Variants in RERG observed in about 807,000 individuals in gnomAD.
The protein encoded by RERG is RAS like estrogen regulated growth inhibitor, also known as ras-related and estrogen-regulated growth inhibitor.
RERG carries 25 observed loss-of-function variants against 23.2 expected under a neutral mutation model. That is an observed-to-expected ratio of 1.08 (90% confidence interval 0.79 to 1.50). The LOEUF (loss-of-function observed/expected upper bound fraction) is 1.50. Ranked by LOEUF, RERG falls within the 40% of genes most tolerant of loss-of-function variation. The pLI, the probability that RERG is intolerant of heterozygous loss-of-function variation, is 0.00. For missense variants in RERG, 253 were observed against 250.1 expected (o/e 1.01, Z -0.08); for synonymous variants, 81 against 89.1 (o/e 0.91, Z 0.51).
intron 2 of RERG, among the ~76,000 whole-genome samples, chr12:15,147,121 A>T (rs1225439523): frequency 6.6e-6 from 1 of 152,164 alleles, no homozygotes; most frequent in Non-Finnish European, 1.5e-5. Context: ...GCCTGGAGTA[A>T]AGGTTCATGC....
Position 15,217,293 on chromosome 12 carries a change from G to A in RERG, c.61+136C>T. Reference sequence around the variant, plus strand: ...ACGCAAAATAAAAGTTCTAGATGAAGAGACTTTATCTAAAAGAGTAAGAAA... The same window carrying A: ...ACGCAAAATAAAAGTTCTAGATGAAAAGACTTTATCTAAAAGAGTAAGAAA... On this transcript the variant is annotated intron_variant, in intron 2 of 4. Coordinates refer to ENST00000256953, the MANE Select transcript of RERG (RefSeq NM_032918.3). 6.0e-6 allele frequency: 4 copies of A among 666,588 alleles called. No homozygotes were observed. In the Middle Eastern group the frequency reaches 7.5e-4, roughly 125 times the overall value. 41.3% of individuals were successfully genotyped at this position (666,588 alleles called of 1,614,324 possible). A position where few individuals can be genotyped will look rare whatever the true frequency, so the allele number is the denominator to read the frequency against.
intron 2 of RERG, among the ~76,000 whole-genome samples, chr12:15,131,055 A>G (rs1381937798): frequency 2.0e-5 from 3 of 152,174 alleles, no homozygotes; most frequent in Admixed American, 6.6e-5. Context: ...AGCAGTAGAG[A>G]TATTGGAATG....
intron 2 of RERG, among the ~76,000 whole-genome samples, chr12:15,176,257 T>C (rs758103500): frequency 2.6e-5 from 4 of 152,208 alleles, no homozygotes; most frequent in African/African-American, 7.2e-5. Flanking sequence ...ATTTAGGCAA[T>C]TGCATATTGT....
intron 2 of RERG, among the ~76,000 whole-genome samples, chr12:15,121,557 G>A (rs987907538): frequency 6.6e-6 from 1 of 152,162 alleles, no homozygotes; most frequent in Non-Finnish European, 1.5e-5. Context: ...TCACTAGCAG[G>A]TCATTTGCAT....
intron 2 of RERG, among the ~76,000 whole-genome samples, chr12:15,212,305 C>T (rs369635927): frequency 6.6e-6 from 1 of 150,626 alleles, no homozygotes; most frequent in South Asian, 2.1e-4. Context: ...ATGATCCACC[C>T]GCCTCGGCCT....
intron 2 of RERG, among the ~76,000 whole-genome samples, chr12:15,159,703 A>G (rs904833201): frequency 6.6e-6 from 1 of 152,160 alleles, no homozygotes; most frequent in African/African-American, 2.4e-5. Context: ...GGGCGCCTGT[A>G]GTGCCAGCTG....
chr12:15,191,437 C>A (rs1347079762), intron 2 of RERG, among the ~76,000 whole-genome samples: 1 of 152,120 alleles, frequency 6.6e-6, no homozygotes, highest in Non-Finnish European at 1.5e-5. Context: ...ATAATCTATT[C>A]CTCATAGGGA....
At chr12:15,197,608 C>A (rs547368798) in intron 2 of RERG, among the ~76,000 whole-genome samples, 15 of 152,188 alleles carry the variant, frequency 9.9e-5, no homozygotes, top group African/African-American at 3.6e-4. Flanking sequence ...TTAAAGGCGA[C>A]AGATCAAATA....
chr12:15,197,597 A>T (rs1378397957), intron 2 of RERG, among the ~76,000 whole-genome samples: 3 of 152,204 alleles, frequency 2.0e-5, no homozygotes, highest in Non-Finnish European at 4.4e-5. Flanking sequence ...TTGGTAAGCT[A>T]TTAAAGGCGA....
intron 2 of RERG, among the ~76,000 whole-genome samples, chr12:15,159,433 A>G (rs1433165264): frequency 1.3e-5 from 2 of 152,242 alleles, no homozygotes; most frequent in Non-Finnish European, 2.9e-5. Context: ...ATTTAACTAT[A>G]TATTTTAAAC....
intron 1 of RERG, among the ~76,000 whole-genome samples, chr12:15,218,261 T>C (rs1394715781): frequency 2.6e-5 from 4 of 152,216 alleles, no homozygotes; most frequent in African/African-American, 9.7e-5. Context: ...CTATGATGAC[T>C]TCAAGTAAAT....
chr12:15,192,363 A>C (rs1865083876), intron 2 of RERG, among the ~76,000 whole-genome samples: 1 of 152,140 alleles, frequency 6.6e-6, no homozygotes, highest in Non-Finnish European at 1.5e-5. Flanking sequence ...CCTCTTTATA[A>C]ATTACCCAGT....
intron 2 of RERG, among the ~76,000 whole-genome samples, chr12:15,139,393 T>C (rs1216214333): frequency 1.3e-5 from 2 of 152,142 alleles, no homozygotes; most frequent in Non-Finnish European, 2.9e-5. Flanking sequence ...TTGGATTGAA[T>C]CTATAGGTTA....
chr12:15,137,903 CCTT>C (rs1457579933), intron 2 of RERG: 2 of 445,004 alleles, frequency 4.5e-6, no homozygotes, highest in African/African-American at 2.0e-5. Flanking sequence ...GTATCATTCT[CCTT>C]CTCTGAAGAA....
chr12:15,109,851 A>G (rs994193774), intron 4 of RERG, among the ~76,000 whole-genome samples: 3 of 152,246 alleles, frequency 2.0e-5, no homozygotes, highest in Admixed American at 6.5e-5. Flanking sequence ...GAGACTTTTC[A>G]TCACAATTAA....
chr12:15,122,105 AAT>A (rs1455901076), intron 2 of RERG, among the ~76,000 whole-genome samples: 1 of 152,156 alleles, frequency 6.6e-6, no homozygotes, highest in Non-Finnish European at 1.5e-5. Flanking sequence ...TTCCTGAAAA[AAT>A]ATACATACAC....
At chr12:15,220,076 A>G (rs929698115) in intron 1 of RERG, among the ~76,000 whole-genome samples, 1 of 152,260 alleles carries the variant, frequency 6.6e-6, no homozygotes, top group African/African-American at 2.4e-5. Flanking sequence ...GTTACATTTG[A>G]CAAGATAGAA....
intron 2 of RERG, among the ~76,000 whole-genome samples, chr12:15,190,671 C>G (rs555173866): frequency 6.5e-4 from 99 of 152,034 alleles, no homozygotes; most frequent in Admixed American, 1.3e-3. Flanking sequence ...GTTTAAGACC[C>G]TGATAATGGA....
At chr12:15,135,094 T>TCAGAATTTTGTAGTTTTCCCC (rs1565514234) in intron 2 of RERG, among the ~76,000 whole-genome samples, 1 of 152,226 alleles carries the variant, frequency 6.6e-6, no homozygotes, top group East Asian at 1.9e-4. Context: ...ATTTCTCTTA[T>TCAGAATTTTGTAGTTTTCCCC]CAGAATTTTG....
Sources: allele counts gnomAD v4.1 joint callset (sites outside exome capture counted in the v4.1 genomes callset), GRCh38; gene constraint gnomAD v4.1.1; transcripts MANE v1.5; gene names NCBI Gene and HGNC (gene_info 2026-07-23, HGNC 2026-07-21).